Variants in CCDC85A observed in about 807,000 individuals in gnomAD.
The protein encoded by CCDC85A is coiled-coil domain containing 85A.
In CCDC85A, 38 loss-of-function variants were observed where a neutral mutation model predicts 50.2. That is an observed-to-expected ratio of 0.76 (90% CI 0.58 to 0.99). The LOEUF (loss-of-function observed/expected upper bound fraction) is 0.99. Among genes scored for constraint, CCDC85A ranks in the 50% least tolerant of loss-of-function variants. The probability of loss-of-function intolerance (pLI) is 0.00; values close to 1 mark genes in which losing one functional copy is unlikely to be tolerated. For synonymous variants in CCDC85A, 366 were observed against 301.4 expected, an observed-to-expected ratio of 1.21 and a Z score of -2.22; for missense variants, 820 against 742.0, an observed-to-expected ratio of 1.11 and a Z score of -1.22.
chr2:56,217,332 C>G (rs957659958), intron 2 of CCDC85A, among the ~76,000 whole-genome samples: 1 of 151,894 alleles, frequency 6.6e-6, no homozygotes, highest in Non-Finnish European at 1.5e-5. Flanking sequence ...TTAGGAACAG[C>G]TATTTCCTCT....
chr2:56,290,597 G>T (rs1212639536), intron 2 of CCDC85A, among the ~76,000 whole-genome samples: 1 of 152,154 alleles, frequency 6.6e-6, no homozygotes, highest in East Asian at 1.9e-4. Flanking sequence ...GGCAGAAGAA[G>T]CAAATAGTGT....
chr2:56,364,285 A>G (rs905934948), intron 3 of CCDC85A, among the ~76,000 whole-genome samples: 2 of 152,036 alleles, frequency 1.3e-5, no homozygotes, highest in Non-Finnish European at 1.5e-5. Flanking sequence ...TAATTTTTGT[A>G]AAAAGGCATC....
At chr2:56,267,548 T>G (rs777030249) in intron 2 of CCDC85A, among the ~76,000 whole-genome samples, 2 of 152,280 alleles carry the variant, frequency 1.3e-5, no homozygotes, top group Non-Finnish European at 1.5e-5. Context: ...TGGGACCAGA[T>G]GGGATGACTG....
chr2:56,252,213 A>AT (rs1211966332), intron 2 of CCDC85A, among the ~76,000 whole-genome samples: 1 of 151,822 alleles, frequency 6.6e-6, no homozygotes, highest in Non-Finnish European at 1.5e-5. Flanking sequence ...TGCCCAGCTA[A>AT]TTTTTTGTAT....
At chr2:56,318,734 C>T (rs1673028683) in intron 2 of CCDC85A, among the ~76,000 whole-genome samples, 2 of 152,110 alleles carry the variant, frequency 1.3e-5, no homozygotes, top group African/African-American at 4.8e-5. Flanking sequence ...TACTCCAAAA[C>T]ATAAGGCATT....
chr2:56,256,410 A>G (rs1669987687), intron 2 of CCDC85A, among the ~76,000 whole-genome samples: 1 of 152,208 alleles, frequency 6.6e-6, no homozygotes, highest in African/African-American at 2.4e-5. Flanking sequence ...TTAAGTGGGC[A>G]CAATGTGTCC....
intron 2 of CCDC85A, among the ~76,000 whole-genome samples, chr2:56,197,377 G>A (rs1396827322): frequency 1.3e-5 from 2 of 152,184 alleles, no homozygotes; most frequent in Non-Finnish European, 2.9e-5. Context: ...CAGGGTTGCG[G>A]GGGGTTGTAG....
At chr2:56,243,436 A>G (rs1669355524) in intron 2 of CCDC85A, among the ~76,000 whole-genome samples, 1 of 151,856 alleles carries the variant, frequency 6.6e-6, no homozygotes, top group African/African-American at 2.4e-5. Flanking sequence ...TGCGTTCTTC[A>G]GTATGTCAGT....
rs1676736174 is a variant in CCDC85A, at chr2:56,384,404, A to G, written c.*49A>G. ...GATCACCACTGCCAGAAAGTGATAGAAGACAAGAAGAAAAAGGAAAGAGTG... is the reference window on the plus strand; with the variant it reads ...GATCACCACTGCCAGAAAGTGATAGGAGACAAGAAGAAAAAGGAAAGAGTG... On this transcript the variant is annotated 3_prime_UTR_variant, in exon 6 of 6. Coordinates refer to ENST00000407595, the MANE Select transcript of CCDC85A (RefSeq NM_001080433.2). 1 of 1,488,864 alleles carries G rather than the reference A, an allele frequency of 6.7e-7. No homozygotes were observed. The highest frequency in any genetic ancestry group is 2.3e-5 in the East Asian group (1 of 44,030). The allele number at this position is 1,488,864 out of a possible 1,614,324, so 92.2% of individuals were successfully genotyped here. A position where few individuals can be genotyped will look rare whatever the true frequency, so the allele number is the denominator to read the frequency against.
At chr2:56,197,341 A>G (rs1020005545) in intron 2 of CCDC85A, among the ~76,000 whole-genome samples, 1 of 152,202 alleles carries the variant, frequency 6.6e-6, no homozygotes, top group African/African-American at 2.4e-5. Context: ...GTAATAAAAA[A>G]TGTCTCTAGA....
chr2:56,350,198 G>A (rs1169483980), intron 3 of CCDC85A, among the ~76,000 whole-genome samples: 2 of 141,088 alleles, frequency 1.4e-5, no homozygotes, highest in East Asian at 2.1e-4. Context: ...ACAGAGTCTC[G>A]CTCTGTCACC....
Position 56,384,962 on chromosome 2 carries a change from A to C in CCDC85A, c.*607A>C, listed in dbSNP as rs182128537. 1 of 152,526 alleles carries C rather than the reference A, an allele frequency of 6.6e-6. No homozygotes were observed. The highest frequency in any genetic ancestry group is 1.9e-4 in the East Asian group (1 of 5,154). The allele number at this position is 152,526 out of a possible 1,614,324, so 9.4% of individuals were successfully genotyped here. ...CTGAGGTGCTAAAAAATACCATGTA[A>C]ATTCTCCCTACCAGCTAGAAGGGTA... On this transcript the variant is annotated 3_prime_UTR_variant, in exon 6 of 6. Coordinates refer to ENST00000407595, the MANE Select transcript of CCDC85A (RefSeq NM_001080433.2).
At chr2:56,267,205 C>T (rs1339678893) in intron 2 of CCDC85A, among the ~76,000 whole-genome samples, 2 of 152,096 alleles carry the variant, frequency 1.3e-5, no homozygotes, top group Admixed American at 6.5e-5. Context: ...CCTCTTCCAC[C>T]CCCCAGACCC....
intron 2 of CCDC85A, among the ~76,000 whole-genome samples, chr2:56,305,554 G>A (rs911278390): frequency 3.3e-5 from 5 of 152,198 alleles, no homozygotes; most frequent in Non-Finnish European, 7.3e-5. Flanking sequence ...TATTCAGAAG[G>A]CAAGGGCACA....
intron 4 of CCDC85A, among the ~76,000 whole-genome samples, chr2:56,375,007 A>C (rs947193008): frequency 6.6e-6 from 1 of 152,236 alleles, no homozygotes; most frequent in Non-Finnish European, 1.5e-5. Flanking sequence ...GATCTACATA[A>C]AAATAGATTT....
intron 3 of CCDC85A, among the ~76,000 whole-genome samples, chr2:56,371,685 C>G (rs1334451735): frequency 2.0e-5 from 3 of 151,754 alleles, no homozygotes; most frequent in Non-Finnish European, 4.4e-5. Context: ...GGACTTTTTT[C>G]TTTTCAATTA....
At chr2:56,204,588 CT>C (rs1676885131) in intron 2 of CCDC85A, among the ~76,000 whole-genome samples, 1 of 152,154 alleles carries the variant, frequency 6.6e-6, no homozygotes, top group African/African-American at 2.4e-5. Flanking sequence ...ATTAATCTAC[CT>C]GTATGTCTAA....
At chr2:56,300,501 C>G (rs1224738052) in intron 2 of CCDC85A, among the ~76,000 whole-genome samples, 1 of 152,098 alleles carries the variant, frequency 6.6e-6, no homozygotes, top group African/African-American at 2.4e-5. Context: ...TGATGCTGAA[C>G]CTGGTCTGTG....
chr2:56,347,468 A>C (rs764494086), intron 3 of CCDC85A, among the ~76,000 whole-genome samples: 2 of 152,234 alleles, frequency 1.3e-5, no homozygotes, highest in Non-Finnish European at 2.9e-5. Context: ...CTGCTTAGCC[A>C]TCTGAGATTT....
Sources: gnomAD v4.1 joint callset for allele counts (sites outside exome capture counted in the v4.1 genomes callset) on GRCh38, gnomAD v4.1.1 for gene constraint, MANE v1.5 for transcripts, NCBI Gene and HGNC (gene_info 2026-07-23, HGNC 2026-07-21) for gene names.